KLHL29: variants seen among roughly 807,000 people sequenced by gnomAD.
KLHL29 encodes kelch like family member 29, also known as kelch-like protein 29.
KLHL29 carries 21 observed loss-of-function variants against 80.4 expected under a neutral mutation model. The ratio of observed to expected loss-of-function variants is 0.26; its 90% CI spans 0.19 to 0.38. The LOEUF is 0.38. Ranked by LOEUF, KLHL29 falls within the 10% of genes least tolerant of loss-of-function variation. The pLI is 1.00. For synonymous variants in KLHL29, 511 were observed against 526.8 expected (o/e 0.97, Z 0.41); for missense variants, 867 against 1,223.9 (o/e 0.71, Z 4.35).
At chr2:23,453,735 G>A (rs1182882298) in intron 1 of KLHL29, among the ~76,000 whole-genome samples, 2 of 152,084 alleles carry the variant, frequency 1.3e-5, no homozygotes, top group Non-Finnish European at 2.9e-5. Context: ...GCTTTGAAAA[G>A]GTCACCTTAT....
At chr2:23,573,691 A>G (rs1667773457) in intron 3 of KLHL29, among the ~76,000 whole-genome samples, 6 of 152,236 alleles carry the variant, frequency 3.9e-5, no homozygotes, top group Admixed American at 3.9e-4. Context: ...CAGACCTCAT[A>G]AACAGCCAGC....
intron 3 of KLHL29, among the ~76,000 whole-genome samples, chr2:23,568,763 T>C (rs1667648354): frequency 1.3e-5 from 2 of 152,212 alleles, no homozygotes; most frequent in Admixed American, 1.3e-4. Context: ...AGAATTGTGA[T>C]CATTTTTGCA....
intron 2 of KLHL29, among the ~76,000 whole-genome samples, chr2:23,489,351 A>G (rs1665027903): frequency 6.9e-6 from 1 of 144,218 alleles, no homozygotes; most frequent in Non-Finnish European, 1.5e-5. Flanking sequence ...TCTCCAGGGA[A>G]AGAAATTCCA....
chr2:23,439,653 T>G lies in KLHL29; in HGVS notation c.-153-35907T>G, dbSNP rs1403334712. Reference sequence around the variant, plus strand: ...AGTTTCTTAATCCTGAGTTCTAGTTTGATTGCACTGTGGTCTGAGAGACAG... The same window carrying G: ...AGTTTCTTAATCCTGAGTTCTAGTTGGATTGCACTGTGGTCTGAGAGACAG... On this transcript the variant is annotated intron_variant, in intron 1 of 13. Coordinates refer to ENST00000486442, the MANE Select transcript of KLHL29 (RefSeq NM_052920.2). 2.0e-5 allele frequency among the ~76,000 whole-genome samples: 3 copies of G among 152,186 alleles called. No homozygotes were observed. The East Asian group carries it at 5.8e-4, about 29-fold the overall frequency.
chr2:23,530,940 T>G (rs1387577122), intron 2 of KLHL29, among the ~76,000 whole-genome samples: 6 of 152,242 alleles, frequency 3.9e-5, no homozygotes, highest in Non-Finnish European at 8.8e-5. Flanking sequence ...TCTGGAAGGA[T>G]GCAGACATGG....
intron 3 of KLHL29, among the ~76,000 whole-genome samples, chr2:23,604,018 G>A (rs555867228): frequency 5.0e-4 from 76 of 152,366 alleles, no homozygotes; most frequent in African/African-American, 1.8e-3. Flanking sequence ...CAGTTCTAGT[G>A]TGGGTCTGGT....
At chr2:23,652,349 C>T (rs189756286) in intron 5 of KLHL29, among the ~76,000 whole-genome samples, 9 of 152,342 alleles carry the variant, frequency 5.9e-5, no homozygotes, top group Admixed American at 3.3e-4. Flanking sequence ...AACCACCGAT[C>T]GCTAGACAGT....
In KLHL29 at chr2:23,680,001, C is replaced by T. The variant is rs147867143; in HGVS notation, c.941-4398C>T. Among the ~76,000 whole-genome samples, 14 of 152,160 alleles carry T rather than the reference C, an allele frequency of 9.2e-5. No homozygotes were observed. The highest frequency in any genetic ancestry group is 3.9e-4 in the East Asian group (2 of 5,168). The stretch of plus-strand genomic sequence containing the variant: ...GGGAGTGGAGGAGGAGCGGAGGGAA[C>T]GGGGAGACCTCCCAGAGGGCTGTGC... On this transcript the variant is annotated intron_variant, in intron 5 of 13. Transcript: ENST00000486442. This position sits in a 1 kb window ranked among gnomAD's most constrained non-coding sequence, Gnocchi z 4.1.
intron 5 of KLHL29, among the ~76,000 whole-genome samples, chr2:23,671,508 G>A (rs1186817864): frequency 6.6e-6 from 1 of 152,230 alleles, no homozygotes; most frequent in Admixed American, 6.5e-5. Flanking sequence ...ATCTGTGGCT[G>A]TTGGGCTCCT....
In KLHL29 at chr2:23,703,380, G is replaced by T; in HGVS notation, c.2299+1G>T. ...AGCTTCATCGAGTCCCCAATGATTG[G>T]TGAGAACCAGCGGTGTCCTCAGCCC... On this transcript the variant is annotated splice_donor_variant, in intron 12 of 13. Coordinates refer to ENST00000486442, the MANE Select transcript of KLHL29 (RefSeq NM_052920.2). LOFTEE classifies it high-confidence loss of function. 6.7e-7 allele frequency: 1 copy of T among 1,493,730 alleles called. No homozygotes were observed. The allele number at this position is 1,493,730 out of a possible 1,614,324, so 92.5% of individuals were successfully genotyped here.
At chr2:23,686,918 A>G (rs1453445703) in intron 6 of KLHL29, among the ~76,000 whole-genome samples, 1 of 152,104 alleles carries the variant, frequency 6.6e-6, no homozygotes, top group Non-Finnish European at 1.5e-5. Context: ...ACACATGACC[A>G]AGAAGTGCCT....
chr2:23,421,754 G>A (rs944855122), intron 1 of KLHL29, among the ~76,000 whole-genome samples: 1 of 149,902 alleles, frequency 6.7e-6, no homozygotes, highest in Non-Finnish European at 1.5e-5. Context: ...GTGTGTTCAT[G>A]TGTGTGTGTG....
chr2:23,635,759 C>T (rs1244472705), intron 3 of KLHL29, among the ~76,000 whole-genome samples: 1 of 152,356 alleles, frequency 6.6e-6, no homozygotes, highest in East Asian at 1.9e-4. Flanking sequence ...CCTGGTCTGC[C>T]TCTCTCTGCC....
At chr2:23,638,351 A>G (rs1300192695) in intron 3 of KLHL29, among the ~76,000 whole-genome samples, 1 of 152,084 alleles carries the variant, frequency 6.6e-6, no homozygotes, top group African/African-American at 2.4e-5. Flanking sequence ...ATATTCCATT[A>G]TAAGGCTGTG....
rs549844305 is a variant in KLHL29, at chr2:23,400,305, CT to C, written c.-154+14528del. Among the ~76,000 whole-genome samples, 4 of 152,134 alleles carry C rather than the reference CT, an allele frequency of 2.6e-5. No individual in the cohort carries two copies. The East Asian group carries it at 7.7e-4, about 29-fold the overall frequency. On this transcript the variant is annotated intron_variant, in intron 1 of 13. Transcript: ENST00000486442. Reference sequence around the variant, plus strand: ...GGCCTGTCCCCAGCTTGGCCTCTTCCTTTCTGGATTGAAGCCTTGAGGCTGG... The same window carrying C: ...GGCCTGTCCCCAGCTTGGCCTCTTCCTTCTGGATTGAAGCCTTGAGGCTGG...
chr2:23,660,674 A>C (rs1670379271), intron 5 of KLHL29, among the ~76,000 whole-genome samples: 1 of 152,228 alleles, frequency 6.6e-6, no homozygotes, highest in Admixed American at 6.5e-5. Context: ...GGCAGGTGGC[A>C]GTTGGGGCCC....
chr2:23,432,909 G>C (rs929082256), intron 1 of KLHL29, among the ~76,000 whole-genome samples: 1 of 152,210 alleles, frequency 6.6e-6, no homozygotes, highest in African/African-American at 2.4e-5. Flanking sequence ...TGGCAGGGAG[G>C]ATGAAGAGAC....
intron 3 of KLHL29, among the ~76,000 whole-genome samples, chr2:23,618,650 G>C (rs769571297): frequency 6.6e-6 from 1 of 152,100 alleles, no homozygotes; most frequent in African/African-American, 2.4e-5. Flanking sequence ...TGCAGATCGC[G>C]GGACTTCTCG....
At chr2:23,502,142 A>G (rs1292880940) in intron 2 of KLHL29, among the ~76,000 whole-genome samples, 2 of 152,084 alleles carry the variant, frequency 1.3e-5, no homozygotes, top group East Asian at 3.9e-4. Flanking sequence ...AGTCAGCTAC[A>G]CAACTCTACA....
Sources: allele counts gnomAD v4.1 joint callset (sites outside exome capture counted in the v4.1 genomes callset), GRCh38; gene constraint gnomAD v4.1.1; non-coding constraint Gnocchi (gnomAD v3.1); transcripts MANE v1.5; gene names NCBI Gene and HGNC (gene_info 2026-07-23, HGNC 2026-07-21).